The following DHX40 variants were observed in gnomAD, a reference collection of about 807,000 sequenced individuals.
DHX40 encodes probable ATP-dependent RNA helicase DHX40.
Under a neutral mutation model 89.6 loss-of-function variants are expected in DHX40, and 28 were observed. The observed-to-expected ratio is 0.31, with a 90% CI of 0.23 to 0.43. The LOEUF (loss-of-function observed/expected upper bound fraction) is 0.43, where lower values mean the gene tolerates loss of function less well. Ranked by LOEUF, DHX40 falls within the 20% of genes least tolerant of loss-of-function variation. The probability of loss-of-function intolerance (pLI) is 1.00; values close to 1 mark genes in which losing one functional copy is unlikely to be tolerated. For missense variants in DHX40, 457 were observed against 844.0 expected, an observed-to-expected ratio of 0.54 and a Z score of 5.68; for synonymous variants, 226 against 283.6, an observed-to-expected ratio of 0.80 and a Z score of 2.04.
chr17:59,567,225 T>C (rs1474312469), intron 2 of DHX40, among the ~76,000 whole-genome samples: 1 of 152,174 alleles, frequency 6.6e-6, no homozygotes, highest in Non-Finnish European at 1.5e-5. Flanking sequence ...AACTAACAAA[T>C]TACCTTTAAA....
At chr17:59,588,721 T>C (rs1268828148) in intron 12 of DHX40, among the ~76,000 whole-genome samples, 6 of 152,176 alleles carry the variant, frequency 3.9e-5, no homozygotes, top group Non-Finnish European at 8.8e-5. Context: ...TCCCAGTCTG[T>C]GGTTTATCTT....
At position 59,589,042 on chromosome 17, in the gene DHX40, G is replaced by A. The variant is rs150715703; in HGVS notation, c.1582+989G>A. Among the ~76,000 whole-genome samples, 977 of 152,046 alleles carry A rather than the reference G, an allele frequency of 6.4e-3. 6 individuals carry two copies. The highest frequency in any genetic ancestry group is 0.022 in the African/African-American group (912 of 41,470). ...TGTATCTTGTTCCATTTATCTGATT[G>A]TCTGTTTGTTCTTCCACCAATACCA... On this transcript the variant is annotated intron_variant, in intron 12 of 17. Coordinates refer to ENST00000251241, the MANE Select transcript of DHX40 (RefSeq NM_024612.5).
chr17:59,603,827 A>G (rs955048591), intron 15 of DHX40: 2 of 152,216 alleles, frequency 1.3e-5, no homozygotes, highest in Non-Finnish European at 2.9e-5. Flanking sequence ...TCTTCCTGAT[A>G]GGATACAATG....
intron 16 of DHX40, 30 bp downstream of exon 16, chr17:59,605,214 A>G: frequency 6.2e-7 from 1 of 1,600,746 alleles, no homozygotes; most frequent in Non-Finnish European, 8.6e-7. Flanking sequence ...TAAAGGGAAG[A>G]AATTTGTAAA....
chr17:59,595,302 C>T (rs1200506859), intron 12 of DHX40, among the ~76,000 whole-genome samples: 1 of 151,904 alleles, frequency 6.6e-6, no homozygotes, highest in East Asian at 1.9e-4. Flanking sequence ...AGGCTGGTCT[C>T]GAACTCCCAA....
chr17:59,568,988 G>A (rs1009607343), intron 2 of DHX40, among the ~76,000 whole-genome samples: 1 of 152,016 alleles, frequency 6.6e-6, no homozygotes, highest in Non-Finnish European at 1.5e-5. Context: ...GAGTAGCTGG[G>A]ATTACAGGTG....
chr17:59,598,878 A>G, intron 13 of DHX40, 27 bp downstream of exon 13: 1 of 1,375,986 alleles, frequency 7.3e-7, no homozygotes. Context: ...TTTGTCCTGA[A>G]AAATGTCAAT....
Position 59,605,472 on chromosome 17 carries a change from A to G in DHX40, c.1998A>G (p.Glu666=). The G allele has an allele frequency of 6.2e-7, 1 of 1,613,316 alleles. No homozygotes were observed. The highest frequency in any genetic ancestry group is 1.1e-5 in the South Asian group (1 of 91,068). ...SALHEQETKL[E]WIIFHEVLVT... is the part of the protein sequence containing the mutation. Reference sequence around the variant, plus strand: ...TTCATGAACAGGAAACCAAACTTGAATGGATCATTTTTCATGAGGTATTGG... The same window carrying G: ...TTCATGAACAGGAAACCAAACTTGAGTGGATCATTTTTCATGAGGTATTGG... Residue 666 remains glutamate, a synonymous_variant, in exon 17 of 18, where the codon GAA becomes GAG. Transcript: ENST00000251241.
chr17:59,581,025 C>G (rs565694723), intron 10 of DHX40, among the ~76,000 whole-genome samples: 1 of 149,418 alleles, frequency 6.7e-6, no homozygotes, highest in Non-Finnish European at 1.5e-5. Flanking sequence ...GAGACTGCAA[C>G]GTGCCAAGAT....
intron 12 of DHX40, among the ~76,000 whole-genome samples, chr17:59,598,536 T>C: frequency 6.6e-6 from 1 of 152,038 alleles, no homozygotes. Context: ...GCTATTCAGG[T>C]AAAATCTCCA....
chr17:59,566,853 C>A, intron 2 of DHX40, 59 bp downstream of exon 2: 1 of 1,435,216 alleles, frequency 7.0e-7, no homozygotes, highest in Admixed American at 2.5e-5. Context: ...TTTTTAAAGG[C>A]CAGTAGGACT....
Position 59,607,496 on chromosome 17 carries a change from C to A in DHX40, c.*324C>A. Reference sequence around the variant, plus strand: ...CTGTCATTGAGATGTTTTCAAAGAACATTGAGTTGTATTTAATCAGCGTGT... The same window carrying A: ...CTGTCATTGAGATGTTTTCAAAGAAAATTGAGTTGTATTTAATCAGCGTGT... On this transcript the variant is annotated 3_prime_UTR_variant, in exon 18 of 18. Transcript: ENST00000251241. 1 of 572,608 alleles carries A rather than the reference C, an allele frequency of 1.7e-6. No individual in the cohort carries two copies. Among genetic ancestry groups the A allele is most frequent in the Admixed American group, 3.0e-5 (1 of 32,908 alleles). 35.5% of individuals were successfully genotyped at this position (572,608 alleles called of 1,614,324 possible).
intron 15 of DHX40, chr17:59,604,513 A>T (rs2030725119): frequency 1.3e-5 from 2 of 153,288 alleles, no homozygotes; most frequent in African/African-American, 4.8e-5. Context: ...TACTATGAAT[A>T]TATACAAAGT....
chr17:59,570,258 A>G (rs973655667), intron 2 of DHX40, among the ~76,000 whole-genome samples: 1 of 124,174 alleles, frequency 8.1e-6, no homozygotes, highest in African/African-American at 3.1e-5. Context: ...ATATATAAAT[A>G]TATATAATAT....
intron 10 of DHX40, among the ~76,000 whole-genome samples, chr17:59,585,723 C>CA (rs1339100891): frequency 4.8e-5 from 7 of 147,060 alleles, no homozygotes; most frequent in Non-Finnish European, 7.4e-5. Flanking sequence ...ACTCCATCTC[C>CA]AAAAAAAAGC....
intron 7 of DHX40, 55 bp from the exon 8 acceptor site, chr17:59,577,211 C>T (rs750008819): frequency 6.9e-6 from 10 of 1,451,678 alleles, no homozygotes; most frequent in South Asian, 1.1e-5. Flanking sequence ...CTTCAAAACT[C>T]GAGTTTGACA....
At position 59,607,904 on chromosome 17, in the gene DHX40, T is replaced by C. The variant is rs1242619890; in HGVS notation, c.*732T>C. The C allele has an allele frequency of 6.6e-6, 1 of 150,990 alleles. No homozygotes were observed. The allele number at this position is 150,990 out of a possible 1,614,324, so 9.4% of individuals were successfully genotyped here. A position where few individuals can be genotyped will look rare whatever the true frequency, so the allele number is the denominator to read the frequency against. ...TATATATATATATGATATATATATA[T>C]ATATAAGTTCTTTTTTAGCTGTACC... On this transcript the variant is annotated 3_prime_UTR_variant, in exon 18 of 18. Transcript: ENST00000251241.
chr17:59,591,091 C>T (rs1441111999), intron 12 of DHX40, among the ~76,000 whole-genome samples: 1 of 151,444 alleles, frequency 6.6e-6, no homozygotes, highest in Non-Finnish European at 1.5e-5. Context: ...GGTGGGTCAC[C>T]TGAGGTCAGG....
intron 12 of DHX40, among the ~76,000 whole-genome samples, chr17:59,596,699 A>T (rs2960216): frequency 1.3e-5 from 2 of 152,284 alleles, no homozygotes; most frequent in East Asian, 3.8e-4. Context: ...ATTCTTTTTT[A>T]TTTTTTTGTC....
Sources: gnomAD v4.1 joint callset for allele counts (sites outside exome capture counted in the v4.1 genomes callset) on GRCh38, gnomAD v4.1.1 for gene constraint, MANE v1.5 for transcripts, NCBI Gene and HGNC (gene_info 2026-07-23, HGNC 2026-07-21) for gene names.